ZSWIM5: variants seen among roughly 807,000 people sequenced by gnomAD.
The protein encoded by ZSWIM5 is zinc finger SWIM-type containing 5.
Under a neutral mutation model 119.6 loss-of-function variants are expected in ZSWIM5, and 55 were observed. That is an observed-to-expected ratio of 0.46 (90% CI 0.37 to 0.58). The LOEUF (loss-of-function observed/expected upper bound fraction) is 0.58, where lower values mean the gene tolerates loss of function less well. Among genes scored for constraint, ZSWIM5 ranks in the 20% least tolerant of loss-of-function variants. The pLI, the probability that ZSWIM5 is intolerant of heterozygous loss-of-function variation, is 0.00. For missense variants in ZSWIM5, 1,193 were observed against 1,512.8 expected (o/e 0.79, Z 3.51); for synonymous variants, 537 against 606.9 (o/e 0.88, Z 1.69).
chr1:45,101,636 C>A (rs543849402), intron 1 of ZSWIM5, among the ~76,000 whole-genome samples: 21 of 152,246 alleles, frequency 1.4e-4, no homozygotes, highest in Non-Finnish European at 2.5e-4. Flanking sequence ...GACTTGGAAC[C>A]AACCCAAATA....
At chr1:45,190,768 G>T (rs1207245430) in intron 1 of ZSWIM5, among the ~76,000 whole-genome samples, 3 of 151,966 alleles carry the variant, frequency 2.0e-5, no homozygotes, top group Non-Finnish European at 4.4e-5. Context: ...CACTTACTAG[G>T]GATCAACATC....
chr1:45,128,358 G>GTT (rs1228073456), intron 1 of ZSWIM5, among the ~76,000 whole-genome samples: 1 of 151,910 alleles, frequency 6.6e-6, no homozygotes, highest in Non-Finnish European at 1.5e-5. Flanking sequence ...TGCCCAGCTA[G>GTT]TTTTTTGTTT....
At chr1:45,182,059 AG>A (rs1182897249) in intron 1 of ZSWIM5, among the ~76,000 whole-genome samples, 4 of 152,198 alleles carry the variant, frequency 2.6e-5, no homozygotes, top group Non-Finnish European at 4.4e-5. Context: ...TCATAATGAC[AG>A]GATCAAATTC....
chr1:45,025,490 TC>T (rs1339176994), intron 11 of ZSWIM5, among the ~76,000 whole-genome samples: 1 of 152,228 alleles, frequency 6.6e-6, no homozygotes, highest in Non-Finnish European at 1.5e-5. Context: ...TGATTTTTTT[TC>T]ATCCAAGTTT....
intron 1 of ZSWIM5, among the ~76,000 whole-genome samples, chr1:45,159,670 C>G (rs1406917407): frequency 1.3e-5 from 2 of 151,926 alleles, no homozygotes; most frequent in East Asian, 3.9e-4. Context: ...CTCACTGCAA[C>G]CTCTGCCTCC....
At chr1:45,104,506 T>C (rs753486691) in intron 1 of ZSWIM5, among the ~76,000 whole-genome samples, 1 of 152,204 alleles carries the variant, frequency 6.6e-6, no homozygotes, top group Non-Finnish European at 1.5e-5. Flanking sequence ...CCCAAAGATA[T>C]CATTCAATAG....
rs1403118073 is a variant in ZSWIM5, at chr1:45,035,726, A to G, written c.2253T>C (p.Asp751=). 3 of 1,613,890 alleles carry G rather than the reference A, an allele frequency of 1.9e-6. No individual in the cohort carries two copies. In the East Asian group the frequency reaches 6.7e-5, roughly 36 times the overall value. Reference sequence around the variant, plus strand: ...AGGCTAATTTATAGGACAGGTCTGGATCATGAGGCAGCAGAGCTGAGAACA... The same window carrying G: ...AGGCTAATTTATAGGACAGGTCTGGGTCATGAGGCAGCAGAGCTGAGAACA... ...KYLFSALLPH[D]PDLSYKLALR... The change falls in exon 10 of 14, where the codon GAT becomes GAC. Residue 751 remains aspartate, a synonymous_variant. Transcript: ENST00000359600.
At position 45,160,822 on chromosome 1, in the gene ZSWIM5, A is replaced by ATTT. The variant is rs36092606; in HGVS notation, c.595+44931_595+44933dup. Reference sequence around the variant, plus strand: ...AAGTGCACGCCACCATGCCTGGGTAATTTTTTTTTTTTTTTTTTAGACGGA... The same window carrying ATTT: ...AAGTGCACGCCACCATGCCTGGGTAATTTTTTTTTTTTTTTTTTTTTAGACGGA... On this transcript the variant is annotated intron_variant, in intron 1 of 13. Coordinates refer to ENST00000359600, the MANE Select transcript of ZSWIM5 (RefSeq NM_020883.2). Among the ~76,000 whole-genome samples the ATTT allele has an allele frequency of 1.2e-3, 158 of 126,994 alleles. 2 individuals are homozygous for ATTT. The highest frequency in any genetic ancestry group is 8.1e-3 in the Middle Eastern group (2 of 248). 83.3% of individuals were successfully genotyped at this position (126,994 alleles called of 152,430 possible).
chr1:45,020,199 C>G (rs1644878438), intron 12 of ZSWIM5, 52 bp from the exon 13 acceptor site: 1 of 1,442,824 alleles, frequency 6.9e-7, no homozygotes, highest in East Asian at 2.3e-5. Flanking sequence ...GTTGTGACCT[C>G]TCCCTCCCCT....
At chr1:45,164,617 TGGA>T (rs1346161170) in intron 1 of ZSWIM5, among the ~76,000 whole-genome samples, 1 of 152,032 alleles carries the variant, frequency 6.6e-6, no homozygotes, top group African/African-American at 2.4e-5. Flanking sequence ...AATAAAGGGA[TGGA>T]GGAAGATCTA....
At position 45,176,072 on chromosome 1, in the gene ZSWIM5, T is replaced by C. The variant is rs563520198; in HGVS notation, c.595+29684A>G. Among the ~76,000 whole-genome samples the C allele has an allele frequency of 4.6e-5, 7 of 151,090 alleles. No homozygotes were observed. In the East Asian group the frequency reaches 1.4e-3, roughly 29 times the overall value. On this transcript the variant is annotated intron_variant, in intron 1 of 13. Coordinates refer to ENST00000359600, the MANE Select transcript of ZSWIM5 (RefSeq NM_020883.2). ...TACTTGGAAACCAAGATATGGGCATTAGGTGTGCTTATTGCTATTGGGATA... is the reference window on the plus strand; with the variant it reads ...TACTTGGAAACCAAGATATGGGCATCAGGTGTGCTTATTGCTATTGGGATA...
intron 1 of ZSWIM5, among the ~76,000 whole-genome samples, chr1:45,177,848 T>C (rs1414346668): frequency 2.0e-5 from 3 of 152,046 alleles, no homozygotes. Context: ...ACACTGAGTT[T>C]TGTGACTTGA....
rs934592974 is a variant in ZSWIM5 at position 45,082,143 on chromosome 1, A to G, written c.952+5738T>C. Among the ~76,000 whole-genome samples, 14 of 144,960 alleles carry G rather than the reference A, an allele frequency of 9.7e-5. 1 individual carries two copies. Among genetic ancestry groups the G allele is most frequent in the Admixed American group, 8.9e-4 (13 of 14,618 alleles). ...GCTTGAAGGCAGCATGCTCATTAAGAGTCATCACACTCCCTAATCTCAAGT... is the reference window on the plus strand; with the variant it reads ...GCTTGAAGGCAGCATGCTCATTAAGGGTCATCACACTCCCTAATCTCAAGT... On this transcript the variant is annotated intron_variant, in intron 2 of 13. Transcript: ENST00000359600.
chr1:45,035,970 C>T, intron 9 of ZSWIM5, 69 bp downstream of exon 9: 1 of 1,576,964 alleles, frequency 6.3e-7, no homozygotes, highest in Non-Finnish European at 8.6e-7. Flanking sequence ...TGTACTTGTA[C>T]TCTATTGGAG....
chr1:45,171,093 C>A (rs1645943887), intron 1 of ZSWIM5, among the ~76,000 whole-genome samples: 1 of 152,164 alleles, frequency 6.6e-6, no homozygotes. Context: ...GGAAAAACTA[C>A]ATTTAACAGT....
intron 1 of ZSWIM5, among the ~76,000 whole-genome samples, chr1:45,095,430 A>G (rs1451739349): frequency 6.6e-6 from 1 of 152,032 alleles, no homozygotes; most frequent in East Asian, 1.9e-4. Context: ...CTGGCTCTTT[A>G]TTTTTATTTT....
intron 1 of ZSWIM5, among the ~76,000 whole-genome samples, chr1:45,152,754 G>A (rs946458382): frequency 1.3e-5 from 2 of 152,106 alleles, no homozygotes; most frequent in African/African-American, 4.8e-5. Flanking sequence ...ATTGGCAAGT[G>A]AGACCTAATT....
rs767075040 is a variant in ZSWIM5, at chr1:45,019,090, C to T, written c.2922G>A (p.Glu974=). The part of the protein sequence containing the change: ...SCALSALTLC[E]KDHIAFEAAY... ...CTGCCTCAAAGGCAATGTGGTCTTT[C>T]TCACAGAGTGTAAGGGCTGACAGGG... The change falls in exon 14 of 14, where the codon GAG becomes GAA. Residue 974 remains glutamate, a synonymous_variant. Transcript: ENST00000359600. This position sits in a 1 kb window ranked among gnomAD's most constrained non-coding sequence, Gnocchi z 5.0. The T allele has an allele frequency of 1.2e-6, 2 of 1,614,226 alleles. No homozygotes were observed. Among genetic ancestry groups the T allele is most frequent in the Non-Finnish European group, 8.5e-7 (1 of 1,180,046 alleles).
At chr1:45,158,812 C>A (rs1010992293) in intron 1 of ZSWIM5, among the ~76,000 whole-genome samples, 1 of 152,074 alleles carries the variant, frequency 6.6e-6, no homozygotes, top group Non-Finnish European at 1.5e-5. Context: ...CAAATCATTA[C>A]AATAGAGAAG....
Sources: allele counts gnomAD v4.1 joint callset (sites outside exome capture counted in the v4.1 genomes callset), GRCh38; gene constraint gnomAD v4.1.1; non-coding constraint Gnocchi (gnomAD v3.1); transcripts MANE v1.5; gene names NCBI Gene and HGNC (gene_info 2026-07-23, HGNC 2026-07-21).